Variants in KRCC1 observed in about 807,000 individuals in gnomAD.
KRCC1 encodes the protein lysine rich coiled-coil 1.
Under a neutral mutation model 7.4 loss-of-function variants are expected in KRCC1, and 3 were observed. The ratio of observed to expected loss-of-function variants is 0.40; its 90% CI spans 0.18 to 1.04. KRCC1 has a LOEUF of 1.04. KRCC1 is among the 50% of genes least tolerant of loss of function. KRCC1 has a pLI of 0.33. For missense variants in KRCC1, 277 were observed against 300.9 expected (o/e 0.92, Z 0.59); for synonymous variants, 102 against 101.6 (o/e 1.00, Z -0.02).
chr2:88,050,846 G>T (rs1475027158), intron 1 of KRCC1, among the ~76,000 whole-genome samples: 3 of 151,524 alleles, frequency 2.0e-5, no homozygotes, highest in Non-Finnish European at 4.4e-5. Context: ...TGGAAACATG[G>T]TGTTTCTTTG....
At chr2:88,048,964 G>T (rs540494062) in intron 1 of KRCC1, among the ~76,000 whole-genome samples, 1 of 152,158 alleles carries the variant, frequency 6.6e-6, no homozygotes, top group Non-Finnish European at 1.5e-5. Flanking sequence ...CCCAATACCT[G>T]TCAACAGCAT....
chr2:88,050,902 C>T (rs941583889), intron 1 of KRCC1, among the ~76,000 whole-genome samples: 6 of 143,330 alleles, frequency 4.2e-5, no homozygotes, highest in Non-Finnish European at 7.5e-5. Flanking sequence ...TAACCTTATG[C>T]CTTCTATATC....
At chr2:88,036,321 G>T (rs1673089709) in intron 2 of KRCC1, among the ~76,000 whole-genome samples, 2 of 152,278 alleles carry the variant, frequency 1.3e-5, no homozygotes, top group East Asian at 1.9e-4. Flanking sequence ...CAGCAAAGAT[G>T]ATACAAGTGA....
rs769559840 is a variant in KRCC1 at position 88,027,740 on chromosome 2, C to G, written c.*44G>C. The G allele has an allele frequency of 4.0e-6, 6 of 1,514,694 alleles. No homozygotes were observed. The highest frequency in any genetic ancestry group is 1.8e-4 in the Middle Eastern group (1 of 5,656). The allele number at this position is 1,514,694 out of a possible 1,614,324, so 93.8% of individuals were successfully genotyped here. A position where few individuals can be genotyped will look rare whatever the true frequency, so the allele number is the denominator to read the frequency against. ...CGGATATCATAAAACCAAGCTCTCA[C>G]CTATTTTTTCAATTTAACTTTGGGA... is the stretch of plus-strand genomic sequence containing the variant. On this transcript the variant is annotated 3_prime_UTR_variant, in exon 4 of 4. Transcript: ENST00000347055.
chr2:88,037,290 A>C (rs1673110011), intron 1 of KRCC1, among the ~76,000 whole-genome samples: 1 of 152,204 alleles, frequency 6.6e-6, no homozygotes, highest in South Asian at 2.1e-4. Context: ...ATCCTGAAGG[A>C]AAAGTTACTG....
chr2:88,054,661 ACTCCCTT>A (rs1673572321), intron 1 of KRCC1, among the ~76,000 whole-genome samples: 1 of 149,004 alleles, frequency 6.7e-6, no homozygotes, highest in Middle Eastern at 3.2e-3. Context: ...CCCACTCCCT[ACTCCCTT>A]CATCTCCCTT....
chr2:88,050,230 ATT>A (rs374470374), intron 1 of KRCC1, among the ~76,000 whole-genome samples: 1 of 152,244 alleles, frequency 6.6e-6, no homozygotes, highest in African/African-American at 2.4e-5. Flanking sequence ...AAACGAAAAT[ATT>A]TTTAGGCAAT....
At chr2:88,034,965 T>A (rs966075721) in intron 2 of KRCC1, among the ~76,000 whole-genome samples, 5 of 152,310 alleles carry the variant, frequency 3.3e-5, no homozygotes, top group African/African-American at 9.6e-5. Flanking sequence ...CCTGGAATAA[T>A]AAATAAGTTT....
rs1442071345 is a variant in KRCC1, at chr2:88,028,009, C to T, written c.555G>A (p.Glu185=). 1 of 1,613,886 alleles carries T rather than the reference C, an allele frequency of 6.2e-7. No homozygotes were observed. The highest frequency in any genetic ancestry group is 1.7e-5 in the Admixed American group (1 of 59,954). ...RSKHKRKKSC[E]EIDLDKHKSI... is the part of the protein sequence containing the mutation. ...TCTTGTGTTTGTCTAAGTCAATTTC[C>T]TCGCAGCTTTTTTTTCTCTTATGCT... The change falls in exon 4 of 4, where the codon GAG becomes GAA. Residue 185 remains glutamate (E), a synonymous_variant. Transcript: ENST00000347055.
chr2:88,047,603 A>G (rs562125432), intron 1 of KRCC1, among the ~76,000 whole-genome samples: 2 of 152,250 alleles, frequency 1.3e-5, no homozygotes, highest in East Asian at 1.9e-4. Flanking sequence ...ATCTTGGCTC[A>G]CTGCAGCCTC....
chr2:88,051,826 G>A (rs924358200), intron 1 of KRCC1, among the ~76,000 whole-genome samples: 3 of 152,242 alleles, frequency 2.0e-5, no homozygotes, highest in African/African-American at 7.2e-5. Flanking sequence ...TACCAACACA[G>A]ATGTGTTAAA....
intron 2 of KRCC1, 69 bp from the exon 3 acceptor site, chr2:88,034,361 C>CA (rs1346230560): frequency 2.5e-4 from 38 of 152,324 alleles, no homozygotes; most frequent in Middle Eastern, 3.4e-3. Flanking sequence ...CAACATAGAC[C>CA]AATCATCTGA....
chr2:88,053,212 C>A (rs1279039872), intron 1 of KRCC1, among the ~76,000 whole-genome samples: 2 of 152,032 alleles, frequency 1.3e-5, no homozygotes, highest in Non-Finnish European at 2.9e-5. Context: ...GTGGGACTTA[C>A]TCAGGGTCAT....
chr2:88,053,444 C>T (rs1419332424), intron 1 of KRCC1, among the ~76,000 whole-genome samples: 1 of 152,134 alleles, frequency 6.6e-6, no homozygotes, highest in African/African-American at 2.4e-5. Flanking sequence ...AAGTTGTTTC[C>T]AAATCTTCCT....
At chr2:88,028,627 T>A in intron 3 of KRCC1, 42 bp from the exon 4 acceptor site, 2 of 1,045,174 alleles carry the variant, frequency 1.9e-6, no homozygotes, top group Non-Finnish European at 2.8e-6. Flanking sequence ...CATCTTGTCC[T>A]GAGCATTTCC....
chr2:88,029,822 T>TTA (rs998785728), intron 3 of KRCC1, among the ~76,000 whole-genome samples: 1 of 144,100 alleles, frequency 6.9e-6, no homozygotes. Flanking sequence ...AATTATAATA[T>TTA]TATATATATA....
rs190685783 is a variant in KRCC1 at position 88,028,401 on chromosome 2, T to C, written c.163A>G (p.Thr55Ala). Residue 55 changes from threonine (T) to alanine (A), a missense_variant, in exon 4 of 4, where the codon ACG (threonine) becomes GCG (alanine). Coordinates refer to ENST00000347055, the MANE Select transcript of KRCC1 (RefSeq NM_016618.3). ...AGTCTCTGGTCAAACATTCTATACGTGGGTCTGGAATTAACCTCTCCTTTG... is the reference window on the plus strand; with the variant it reads ...AGTCTCTGGTCAAACATTCTATACGCGGGTCTGGAATTAACCTCTCCTTTG... ...GYKGEVNSRP[T>A]YRMFDQRLPS... The C allele has an allele frequency of 6.2e-7, 1 of 1,614,024 alleles. No individual in the cohort carries two copies. The highest frequency in any genetic ancestry group is 1.3e-5 in the African/African-American group (1 of 74,924).
At chr2:88,051,839 A>G (rs891662006) in intron 1 of KRCC1, among the ~76,000 whole-genome samples, 20 of 152,366 alleles carry the variant, frequency 1.3e-4, no homozygotes, top group Non-Finnish European at 2.8e-4. Flanking sequence ...GTGTTAAATC[A>G]GTTCACAATT....
intron 1 of KRCC1, among the ~76,000 whole-genome samples, chr2:88,042,196 G>A (rs1323854896): frequency 6.6e-6 from 1 of 151,736 alleles, no homozygotes; most frequent in Non-Finnish European, 1.5e-5. Context: ...GAGTAGCTGG[G>A]ACTACAGGCA....
Sources: gnomAD v4.1 joint callset for allele counts (sites outside exome capture counted in the v4.1 genomes callset) on GRCh38, gnomAD v4.1.1 for gene constraint, MANE v1.5 for transcripts, NCBI Gene and HGNC (gene_info 2026-07-23, HGNC 2026-07-21) for gene names.